LYRM7: variants seen among roughly 807,000 people sequenced by gnomAD.
LYRM7 encodes complex III assembly factor LYRM7.
In LYRM7, 9 loss-of-function variants were observed where a neutral mutation model predicts 15.8. The ratio of observed to expected loss-of-function variants is 0.57; its 90% CI spans 0.34 to 0.99. LYRM7 has a LOEUF of 0.99. Ranked by LOEUF, LYRM7 falls within the 50% of genes least tolerant of loss-of-function variation. LYRM7 has a pLI of 0.02. For missense variants in LYRM7, 115 were observed against 119.1 expected (o/e 0.97, Z 0.16); for synonymous variants, 39 against 39.4 (o/e 0.99, Z 0.04).
chr5:131,187,803 A>G (rs570759402), intron 4 of LYRM7, among the ~76,000 whole-genome samples: 12 of 152,170 alleles, frequency 7.9e-5, no homozygotes, highest in African/African-American at 2.9e-4. Flanking sequence ...AGTTATTTTA[A>G]TTCAGAAGAT....
chr5:131,173,955 G>A (rs1374142281), intron 1 of LYRM7, among the ~76,000 whole-genome samples: 2 of 152,196 alleles, frequency 1.3e-5, no homozygotes, highest in African/African-American at 4.8e-5. Flanking sequence ...TAGGACTACA[G>A]TAAAGTTGAC....
At chr5:131,173,546 C>T (rs1291163924) in intron 1 of LYRM7, among the ~76,000 whole-genome samples, 1 of 152,142 alleles carries the variant, frequency 6.6e-6, no homozygotes, top group Non-Finnish European at 1.5e-5. Flanking sequence ...GAGTTCGAGA[C>T]CCATCTGGCC....
At chr5:131,185,714 G>A (rs981366822) in intron 3 of LYRM7, among the ~76,000 whole-genome samples, 24 of 152,294 alleles carry the variant, frequency 1.6e-4, no homozygotes, top group Admixed American at 3.3e-4. Flanking sequence ...GGTCACTTGA[G>A]CCCAGGAGTT....
chr5:131,187,033 GA>G lies in LYRM7; in HGVS notation c.172del (p.Ile58Ter). 1 of 1,540,068 alleles carries G rather than the reference GA, an allele frequency of 6.5e-7. No individual in the cohort carries two copies. Among genetic ancestry groups the G allele is most frequent in the Non-Finnish European group, 8.8e-7 (1 of 1,130,236 alleles). On this transcript the variant is annotated frameshift_variant, in exon 4 of 5. Transcript: ENST00000379380. LOFTEE classifies it high-confidence loss of function. ...TSSKKIEELM[K>X]IGSDVELLLR... ...TTGTTTGGTTTTCTTAACAGCTAAT[GA>G]AAATAGGTTCTGATGTTGAATTATT...
Position 131,171,002 on chromosome 5 carries a change from G to C in LYRM7, c.-19G>C. The C allele has an allele frequency of 6.5e-7, 1 of 1,544,842 alleles. No individual in the cohort carries two copies. Among genetic ancestry groups the C allele is most frequent in the Non-Finnish European group, 8.7e-7 (1 of 1,151,594 alleles). On this transcript the variant is annotated 5_prime_UTR_variant, in exon 1 of 5. Transcript: ENST00000379380. ...GCTACTCGACTGCTCTGGAGGTAGC[G>C]GCCGCGGTGAGGAGAGCCATGGGAC... is the stretch of plus-strand genomic sequence containing the variant.
At position 131,200,782 on chromosome 5, in the gene LYRM7, C is replaced by T. The variant is rs1418133424; in HGVS notation, c.*1181C>T. The T allele has an allele frequency of 6.6e-6, 1 of 152,010 alleles. No individual in the cohort carries two copies. Among genetic ancestry groups the T allele is most frequent in the African/African-American group, 2.4e-5 (1 of 41,316 alleles). 9.4% of individuals were successfully genotyped at this position (152,010 alleles called of 1,614,324 possible). ...TGCTGACTTACAGTTATTTTAGTGTCTATATGACATATTTTGAGGAAAGTT... is the reference window on the plus strand; with the variant it reads ...TGCTGACTTACAGTTATTTTAGTGTTTATATGACATATTTTGAGGAAAGTT... On this transcript the variant is annotated 3_prime_UTR_variant, in exon 5 of 5. Transcript: ENST00000379380.
chr5:131,171,183 C>A, intron 1 of LYRM7, 145 bp downstream of exon 1: 5 of 832,794 alleles, frequency 6.0e-6, no homozygotes, highest in Non-Finnish European at 8.7e-6. Flanking sequence ...AGCCAGATGA[C>A]CAACTCCTAG....
In LYRM7 at chr5:131,181,973, T is replaced by C. The variant is rs565702362; in HGVS notation, c.92-256T>C. ...AGTAGCTATAGGTATACAAATGAAT[T>C]TGAGAGTAAAAATCAGTGGAAGAAA... On this transcript the variant is annotated intron_variant, in intron 2 of 4. Transcript: ENST00000379380. Among the ~76,000 whole-genome samples, 6 of 152,296 alleles carry C rather than the reference T, an allele frequency of 3.9e-5. No homozygotes were observed. The East Asian group carries it at 7.7e-4, about 20-fold the overall frequency.
At chr5:131,178,055 G>A (rs910719313) in intron 1 of LYRM7, among the ~76,000 whole-genome samples, 3 of 152,000 alleles carry the variant, frequency 2.0e-5, no homozygotes, top group South Asian at 2.1e-4. Context: ...CCATCTCTGC[G>A]ATAACATGTT....
intron 1 of LYRM7, among the ~76,000 whole-genome samples, chr5:131,171,276 C>T (rs1755518378): frequency 1.3e-5 from 2 of 152,080 alleles, no homozygotes; most frequent in African/African-American, 2.4e-5. Flanking sequence ...ACTTGGTACT[C>T]AGTGTTTATC....
intron 4 of LYRM7, among the ~76,000 whole-genome samples, chr5:131,193,426 C>T (rs1333378814): frequency 6.6e-6 from 1 of 152,194 alleles, no homozygotes; most frequent in African/African-American, 2.4e-5. Flanking sequence ...GCTACAGATC[C>T]AAACTTGATG....
intron 4 of LYRM7, 41 bp downstream of exon 4, chr5:131,187,150 G>A: frequency 9.1e-7 from 1 of 1,098,036 alleles, no homozygotes; most frequent in East Asian, 2.6e-5. Context: ...ACTGCAATGT[G>A]TTTTAAAATA....
intron 4 of LYRM7, among the ~76,000 whole-genome samples, chr5:131,198,977 T>C (rs1046693878): frequency 6.6e-6 from 1 of 152,188 alleles, no homozygotes; most frequent in African/African-American, 2.4e-5. Flanking sequence ...GTGGGCACTA[T>C]TGGCATTTTT....
chr5:131,178,064 T>A (rs550950455), intron 1 of LYRM7, among the ~76,000 whole-genome samples: 2 of 152,358 alleles, frequency 1.3e-5, no homozygotes, highest in African/African-American at 4.8e-5. Context: ...CGATAACATG[T>A]TTCTGAGGAA....
chr5:131,181,316 T>TATATATATATATATAC (rs1208669077), intron 2 of LYRM7, among the ~76,000 whole-genome samples: 808 of 27,434 alleles, frequency 0.029, 78 homozygotes, highest in Non-Finnish European at 0.046. Flanking sequence ...TATATATATA[T>TATATATATATATATAC]ACACACACAC....
At chr5:131,197,251 T>C (rs1378437702) in intron 4 of LYRM7, among the ~76,000 whole-genome samples, 2 of 152,204 alleles carry the variant, frequency 1.3e-5, no homozygotes, top group Admixed American at 6.5e-5. Context: ...ATGTCTAGCA[T>C]GAAATAGGCA....
At chr5:131,179,086 A>C (rs945631211) in intron 1 of LYRM7, among the ~76,000 whole-genome samples, 2 of 151,996 alleles carry the variant, frequency 1.3e-5, no homozygotes, top group Non-Finnish European at 2.9e-5. Context: ...TGTGTGTATG[A>C]TATTGAGCAG....
At chr5:131,172,283 G>A (rs566381604) in intron 1 of LYRM7, among the ~76,000 whole-genome samples, 2 of 152,134 alleles carry the variant, frequency 1.3e-5, no homozygotes, top group African/African-American at 4.8e-5. Context: ...GCATAGGGGC[G>A]GGTGCCTGTA....
At chr5:131,191,770 G>A (rs1306660626) in intron 4 of LYRM7, among the ~76,000 whole-genome samples, 1 of 151,920 alleles carries the variant, frequency 6.6e-6, no homozygotes, top group Non-Finnish European at 1.5e-5. Flanking sequence ...TGTGGAGAAA[G>A]GAGAACTCTT....
Sources: gnomAD v4.1 joint callset for allele counts (sites outside exome capture counted in the v4.1 genomes callset) on GRCh38, gnomAD v4.1.1 for gene constraint, MANE v1.5 for transcripts, NCBI Gene and HGNC (gene_info 2026-07-23, HGNC 2026-07-21) for gene names.